METTL15: variants seen among roughly 807,000 people sequenced by gnomAD.
METTL15 encodes the protein methyltransferase 15, mitochondrial 12S rRNA N4-cytidine.
METTL15 carries 34 observed loss-of-function variants against 38.3 expected under a neutral mutation model. That is an observed-to-expected ratio of 0.89 (90% CI 0.68 to 1.18). The LOEUF (loss-of-function observed/expected upper bound fraction) is 1.18. METTL15 is among the 50% of genes most tolerant of loss of function. The pLI is 0.00. For synonymous variants in METTL15, 162 were observed against 170.9 expected, an observed-to-expected ratio of 0.95 and a Z score of 0.41; for missense variants, 438 against 498.4, an observed-to-expected ratio of 0.88 and a Z score of 1.15.
chr11:28,301,910 T>TA (rs1262494252), intron 6 of METTL15, among the ~76,000 whole-genome samples: 1 of 152,032 alleles, frequency 6.6e-6, no homozygotes, highest in Non-Finnish European at 1.5e-5. Context: ...AATTTTTTAT[T>TA]AAAAAGCTTT....
At chr11:28,318,321 G>A (rs965778475) in intron 6 of METTL15, among the ~76,000 whole-genome samples, 1 of 152,052 alleles carries the variant, frequency 6.6e-6, no homozygotes, top group Admixed American at 6.6e-5. Context: ...ACAGCCTAGT[G>A]GAGGTTGGTA....
At chr11:28,297,078 A>G (rs1856767372) in intron 6 of METTL15, 147 bp downstream of exon 6, 1 of 820,416 alleles carries the variant, frequency 1.2e-6, no homozygotes, top group South Asian at 2.2e-5. Context: ...GAAATCCAGG[A>G]TAGAATCTTG....
chr11:28,336,902 A>G (rs1849905735), downstream of METTL15, among the ~76,000 whole-genome samples: 1 of 152,182 alleles, frequency 6.6e-6, no homozygotes, highest in Non-Finnish European at 1.5e-5. Context: ...GAGGTATTCC[A>G]GAAGAAGGCA....
intron 3 of METTL15, among the ~76,000 whole-genome samples, chr11:28,341,440 TTC>T (rs2133354583): frequency 6.6e-6 from 1 of 152,350 alleles, no homozygotes; most frequent in South Asian, 2.1e-4. Flanking sequence ...TGAAAATGTT[TTC>T]TGTTTTAAAA....
intron 5 of METTL15, among the ~76,000 whole-genome samples, chr11:28,387,007 A>G (rs1479251668): frequency 6.6e-6 from 1 of 151,976 alleles, no homozygotes; most frequent in East Asian, 1.9e-4. Flanking sequence ...CTTGAGAAAA[A>G]TGAAAATTAA....
chr11:28,148,336 C>T (rs1316299425), intron 3 of METTL15, among the ~76,000 whole-genome samples: 1 of 151,810 alleles, frequency 6.6e-6, no homozygotes, highest in Non-Finnish European at 1.5e-5. Context: ...ACGCTGATTG[C>T]TTCAAAGGTA....
intron 6 of METTL15, among the ~76,000 whole-genome samples, chr11:28,475,984 A>G (rs557193201): frequency 6.6e-6 from 1 of 152,224 alleles, no homozygotes; most frequent in Non-Finnish European, 1.5e-5. Flanking sequence ...TTTTTGGGAA[A>G]CAGTGATCTT....
At chr11:28,483,682 G>A (rs563604005) in intron 6 of METTL15, among the ~76,000 whole-genome samples, 4 of 152,246 alleles carry the variant, frequency 2.6e-5, no homozygotes, top group Non-Finnish European at 4.4e-5. Context: ...GTCAATAAAT[G>A]GTATGACTGT....
rs559126639 is a variant in METTL15, at chr11:28,211,102, A to T, written c.311A>T (p.Lys104Ile). The T allele has an allele frequency of 9.3e-6, 15 of 1,611,972 alleles. No homozygotes were observed. In the South Asian group the frequency reaches 1.5e-4, roughly 17 times the overall value. ...DMTFGSGGHTKAILQKESDIV... is the reference protein window; with the variant it reads ...DMTFGSGGHTIAILQKESDIV... ...ACATTTGGTTCGGGAGGGCACACAA[A>T]AGCCATTCTGCAGAAGGAGTCAGAT... Residue 104 changes from lysine to isoleucine, a missense_variant, in exon 4 of 7, where the codon AAA becomes ATA. Transcript: ENST00000407364.
intron 6 of METTL15, among the ~76,000 whole-genome samples, chr11:28,425,398 C>T (rs1850855058): frequency 1.3e-5 from 2 of 152,312 alleles, no homozygotes; most frequent in South Asian, 4.1e-4. Context: ...AGGCCTCTGT[C>T]CACTTCTCTA....
intron 6 of METTL15, among the ~76,000 whole-genome samples, chr11:28,444,979 TGGC>T (rs974656762): frequency 3.9e-5 from 6 of 152,056 alleles, no homozygotes; most frequent in African/African-American, 1.2e-4. Flanking sequence ...ACCGAGGAGC[TGGC>T]TACAGTCCTG....
chr11:28,192,740 T>C (rs1851744087), intron 3 of METTL15, among the ~76,000 whole-genome samples: 3 of 152,026 alleles, frequency 2.0e-5, no homozygotes, highest in African/African-American at 7.2e-5. Context: ...ATCTCAATAG[T>C]AGAGACCACT....
chr11:28,432,594 T>G (rs538384860), intron 6 of METTL15, among the ~76,000 whole-genome samples: 1 of 152,354 alleles, frequency 6.6e-6, no homozygotes, highest in Admixed American at 6.5e-5. Flanking sequence ...AATCTAAGTT[T>G]GTACCTCTCC....
At chr11:28,429,515 G>C (rs1484584012) in intron 6 of METTL15, among the ~76,000 whole-genome samples, 5 of 126,810 alleles carry the variant, frequency 3.9e-5, no homozygotes, top group Non-Finnish European at 6.7e-5. Context: ...TTGCAGGCAC[G>C]CGCCGCCACG....
At chr11:28,242,677 A>C (rs181955674) in intron 4 of METTL15, among the ~76,000 whole-genome samples, 164 of 152,250 alleles carry the variant, frequency 1.1e-3, no homozygotes, top group African/African-American at 2.2e-3. Context: ...TTTAATTTTA[A>C]ATGATAACAA....
intron 5 of METTL15, among the ~76,000 whole-genome samples, chr11:28,388,347 A>G (rs79710258): frequency 0.055 from 8,368 of 152,242 alleles, 404 homozygotes; most frequent in African/African-American, 0.13. Flanking sequence ...GTTAGAACTA[A>G]TCAATGGATT....
Position 28,442,421 on chromosome 11 carries a change from T to C in METTL15, c.*424+18057T>C, listed in dbSNP as rs189048217. ...TATGGTTTCGAAACAGTTTTTTTTT[T>C]TCCTGATCATTAGCTCATGGCATTA... is the stretch of plus-strand genomic sequence containing the variant. On this transcript the variant is annotated intron_variant and NMD_transcript_variant, in intron 6 of 7. Coordinates refer to the METTL15 transcript ENST00000532947. Among the ~76,000 whole-genome samples the C allele has an allele frequency of 3.5e-3, 526 of 152,268 alleles. 2 individuals carry two copies. Among genetic ancestry groups the C allele is most frequent in the African/African-American group, 0.012 (514 of 41,556 alleles).
At chr11:28,374,115 G>T (rs1850278398) in intron 5 of METTL15, among the ~76,000 whole-genome samples, 2 of 152,156 alleles carry the variant, frequency 1.3e-5, no homozygotes, top group African/African-American at 4.8e-5. Flanking sequence ...CTCCAGCTTT[G>T]TTCTTTTGGC....
At chr11:28,119,367 A>G (rs1203058278) in intron 3 of METTL15, among the ~76,000 whole-genome samples, 2 of 152,218 alleles carry the variant, frequency 1.3e-5, no homozygotes, top group Non-Finnish European at 2.9e-5. Flanking sequence ...AAAGTAAACT[A>G]GAAGACAGAT....
Sources: gnomAD v4.1 joint callset for allele counts (sites outside exome capture counted in the v4.1 genomes callset) on GRCh38, gnomAD v4.1.1 for gene constraint, MANE v1.5 for transcripts, NCBI Gene and HGNC (gene_info 2026-07-23, HGNC 2026-07-21) for gene names.